SGCZ: variants seen among roughly 807,000 people sequenced by gnomAD.
SGCZ encodes the protein zeta-sarcoglycan.
SGCZ carries 40 observed loss-of-function variants against 41.3 expected under a neutral mutation model. The observed-to-expected ratio is 0.97, with a 90% CI of 0.75 to 1.26. SGCZ has a LOEUF of 1.26. SGCZ is among the 50% of genes most tolerant of loss of function. The pLI, the probability that SGCZ is intolerant of heterozygous loss-of-function variation, is 0.00. For synonymous variants in SGCZ, 206 were observed against 137.5 expected (o/e 1.50, Z -3.49); for missense variants, 552 against 369.8 (o/e 1.49, Z -4.04).
intron 1 of SGCZ, among the ~76,000 whole-genome samples, chr8:14,914,667 T>G (rs189789146): frequency 6.6e-6 from 1 of 152,298 alleles, no homozygotes; most frequent in East Asian, 1.9e-4. Context: ...GCACTTAAAA[T>G]AATTATAAAA....
At chr8:14,484,780 C>G (rs1218318275) in intron 2 of SGCZ, among the ~76,000 whole-genome samples, 2 of 152,202 alleles carry the variant, frequency 1.3e-5, no homozygotes, top group Non-Finnish European at 2.9e-5. Flanking sequence ...TCACATAATA[C>G]AACTACAGAA....
intron 1 of SGCZ, among the ~76,000 whole-genome samples, chr8:14,587,470 G>C (rs1289629283): frequency 6.6e-6 from 1 of 151,414 alleles, no homozygotes; most frequent in Non-Finnish European, 1.5e-5. Context: ...CTAGGAGTTT[G>C]AGACAAGCTG....
At chr8:14,523,907 A>C (rs1217752825) in intron 2 of SGCZ, among the ~76,000 whole-genome samples, 1 of 152,020 alleles carries the variant, frequency 6.6e-6, no homozygotes, top group African/African-American at 2.4e-5. Context: ...TGCTCAGATT[A>C]GGTAATTTCT....
intron 1 of SGCZ, among the ~76,000 whole-genome samples, chr8:15,012,007 T>G (rs186721041): frequency 2.0e-5 from 3 of 152,176 alleles, no homozygotes; most frequent in African/African-American, 7.2e-5. Context: ...CACATTTGCA[T>G]CTATTTTTGA....
At chr8:14,466,921 T>C (rs1236538624) in intron 2 of SGCZ, among the ~76,000 whole-genome samples, 1 of 151,920 alleles carries the variant, frequency 6.6e-6, no homozygotes, top group Non-Finnish European at 1.5e-5. Flanking sequence ...ATTAAAATCT[T>C]TGTCTCGTGG....
intron 1 of SGCZ, among the ~76,000 whole-genome samples, chr8:14,927,077 T>C (rs1040078361): frequency 6.6e-5 from 10 of 150,866 alleles, no homozygotes; most frequent in African/African-American, 1.7e-4. Context: ...AAATATACTA[T>C]ATCAAAGTAT....
At chr8:15,187,256 A>G (rs148089057) in intron 1 of SGCZ, among the ~76,000 whole-genome samples, 2 of 152,214 alleles carry the variant, frequency 1.3e-5, no homozygotes, top group African/African-American at 4.8e-5. Flanking sequence ...CCATATTTAT[A>G]TTTAAGGCAA....
intron 2 of SGCZ, among the ~76,000 whole-genome samples, chr8:14,328,630 T>C (rs1330602252): frequency 6.6e-6 from 1 of 152,190 alleles, no homozygotes; most frequent in Non-Finnish European, 1.5e-5. Flanking sequence ...TCATGTTATT[T>C]TAAGAGAAAC....
Position 14,571,849 on chromosome 8 carries a change from G to C in SGCZ, c.40-16923C>G, listed in dbSNP as rs530792366. Among the ~76,000 whole-genome samples the C allele has an allele frequency of 2.6e-5, 4 of 152,258 alleles. No individual in the cohort carries two copies. In the East Asian group the frequency reaches 7.7e-4, roughly 29 times the overall value. ...TAAAATTATGTCAACTGCTGGTTCT[G>C]AGACTAACTAAAGTACCAACAGCCA... is the stretch of plus-strand genomic sequence containing the variant. On this transcript the variant is annotated intron_variant, in intron 1 of 7. Transcript: ENST00000382080.
chr8:14,412,980 T>G (rs959610196), intron 2 of SGCZ, among the ~76,000 whole-genome samples: 2 of 151,986 alleles, frequency 1.3e-5, no homozygotes, highest in African/African-American at 4.8e-5. Context: ...ATTCATAATT[T>G]GTATATTAAA....
At chr8:14,695,462 T>C (rs922992478) in intron 1 of SGCZ, among the ~76,000 whole-genome samples, 2 of 152,098 alleles carry the variant, frequency 1.3e-5, no homozygotes, top group African/African-American at 4.8e-5. Context: ...AGAGGATATT[T>C]ATCATAACAT....
intron 1 of SGCZ, among the ~76,000 whole-genome samples, chr8:14,850,477 G>C (rs564146633): frequency 6.6e-6 from 1 of 152,180 alleles, no homozygotes; most frequent in African/African-American, 2.4e-5. Flanking sequence ...AGTGAGAAAC[G>C]TGTGAGAAGG....
chr8:14,385,197 G>C (rs1337941749), intron 2 of SGCZ, among the ~76,000 whole-genome samples: 3 of 152,114 alleles, frequency 2.0e-5, no homozygotes, highest in East Asian at 1.9e-4. Flanking sequence ...AGTGAACATG[G>C]AGTTGAGAGA....
chr8:15,185,736 A>G (rs115624517), intron 1 of SGCZ, among the ~76,000 whole-genome samples: 12 of 152,268 alleles, frequency 7.9e-5, no homozygotes, highest in African/African-American at 2.6e-4. Flanking sequence ...ACTCAGACAG[A>G]CTACAGAGTT....
At chr8:14,243,430 T>C (rs1253522824) in intron 3 of SGCZ, among the ~76,000 whole-genome samples, 1 of 152,238 alleles carries the variant, frequency 6.6e-6, no homozygotes, top group Non-Finnish European at 1.5e-5. Context: ...AACCACTCGA[T>C]TTTTCATATC....
rs1217031572 is a variant in SGCZ, at chr8:14,086,772, A to C, written c.*3671T>G. ...AAAAGAGCATAGGAAGTAGCGTGCC[A>C]AAAAGGTTTGTATTTCAACTTTTAT... On this transcript the variant is annotated 3_prime_UTR_variant, in exon 8 of 8. Coordinates refer to ENST00000382080, the MANE Select transcript of SGCZ (RefSeq NM_139167.4). Among the ~76,000 whole-genome samples the C allele has an allele frequency of 6.6e-6, 1 of 151,696 alleles. No individual in the cohort carries two copies. The highest frequency in any genetic ancestry group is 1.5e-5 in the Non-Finnish European group (1 of 67,734).
intron 3 of SGCZ, among the ~76,000 whole-genome samples, chr8:14,243,550 C>T (rs1220280843): frequency 1.3e-5 from 2 of 152,186 alleles, no homozygotes; most frequent in Non-Finnish European, 2.9e-5. Flanking sequence ...ATGTTCATAA[C>T]ATGTAAGGTT....
chr8:15,023,195 A>G (rs1276948195), intron 1 of SGCZ, among the ~76,000 whole-genome samples: 1 of 152,166 alleles, frequency 6.6e-6, no homozygotes, highest in Non-Finnish European at 1.5e-5. Context: ...ATAGCATCTG[A>G]GAGGGGCTTC....
At chr8:14,165,986 A>T (rs1251167379) in intron 4 of SGCZ, among the ~76,000 whole-genome samples, 2 of 152,176 alleles carry the variant, frequency 1.3e-5, no homozygotes, top group Non-Finnish European at 2.9e-5. Context: ...GCTGCTGAGG[A>T]GCATTCATCA....
Sources: allele counts gnomAD v4.1 joint callset (sites outside exome capture counted in the v4.1 genomes callset), GRCh38; gene constraint gnomAD v4.1.1; transcripts MANE v1.5; gene names NCBI Gene and HGNC (gene_info 2026-07-23, HGNC 2026-07-21).